MAP4: variants seen among roughly 807,000 people sequenced by gnomAD.
MAP4 encodes microtubule associated protein 4.
Under a neutral mutation model 170.2 loss-of-function variants are expected in MAP4, and 76 were observed. The observed-to-expected ratio is 0.45, with a 90% CI of 0.37 to 0.54. MAP4 has a LOEUF of 0.54. Ranked by LOEUF, MAP4 falls within the 20% of genes least tolerant of loss-of-function variation. The pLI is 0.00. For synonymous variants in MAP4, 909 were observed against 994.5 expected (o/e 0.91, Z 1.62); for missense variants, 2,506 against 2,748.0 (o/e 0.91, Z 1.97).
chr3:47,915,595 A>G (rs1173413908), intron 7 of MAP4, among the ~76,000 whole-genome samples: 1 of 152,170 alleles, frequency 6.6e-6, no homozygotes, highest in Non-Finnish European at 1.5e-5. Context: ...GTTGGTCTTA[A>G]TTAGGAGCAG....
In MAP4 at chr3:47,952,271, C is replaced by A. The variant is rs1318283240; in HGVS notation, c.293-23921G>T. Among the ~76,000 whole-genome samples, 6 of 144,694 alleles carry A rather than the reference C, an allele frequency of 4.1e-5. No individual in the cohort carries two copies. In the East Asian group the frequency reaches 6.3e-4, roughly 15 times the overall value. The allele number at this position is 144,694 out of a possible 152,430, so 94.9% of individuals were successfully genotyped here. A position where few individuals can be genotyped will look rare whatever the true frequency, so the allele number is the denominator to read the frequency against. On this transcript the variant is annotated intron_variant, in intron 3 of 20. Coordinates refer to ENST00000683076, the MANE Select transcript of MAP4 (RefSeq NM_001385682.1). Reference sequence around the variant, plus strand: ...CCGGGAGGGAGGTGGGGGGGTCAGCCCCCCCGCCCGGCCAGCCGCCCCATC... The same window carrying A: ...CCGGGAGGGAGGTGGGGGGGTCAGCACCCCCGCCCGGCCAGCCGCCCCATC...
chr3:47,855,402 A>C lies in MAP4; in HGVS notation c.6584-42T>G. ...ACTGGTCACCTAGGGTGGCAGAGGA[A>C]TATCCCTGCAGGCAAAACCAGGACT... On this transcript the variant is annotated intron_variant, in intron 18 of 20. Coordinates refer to ENST00000683076, the MANE Select transcript of MAP4 (RefSeq NM_001385682.1). The surrounding 1 kb of genome is among the most constrained non-coding windows in gnomAD (Gnocchi z 5.1). 2.4e-6 allele frequency: 3 copies of C among 1,249,448 alleles called. No individual in the cohort carries two copies. The highest frequency in any genetic ancestry group is 3.5e-6 in the Non-Finnish European group (3 of 846,964). 77.4% of individuals were successfully genotyped at this position (1,249,448 alleles called of 1,614,324 possible). A position where few individuals can be genotyped will look rare whatever the true frequency, so the allele number is the denominator to read the frequency against.
intron 1 of MAP4, among the ~76,000 whole-genome samples, chr3:48,069,669 CA>C (rs1198349149): frequency 6.6e-6 from 1 of 152,170 alleles, no homozygotes; most frequent in Non-Finnish European, 1.5e-5. Context: ...ATCTTTCAAA[CA>C]TTTTTTTGTC....
At chr3:48,076,277 A>G (rs970112007) in intron 1 of MAP4, among the ~76,000 whole-genome samples, 1 of 151,496 alleles carries the variant, frequency 6.6e-6, no homozygotes, top group Non-Finnish European at 1.5e-5. Context: ...TGGGCAGATC[A>G]TGAGGTCAGG....
chr3:47,918,636 C>G (rs1352181247), intron 6 of MAP4, 83 bp downstream of exon 6: 2 of 1,086,344 alleles, frequency 1.8e-6, no homozygotes, highest in Non-Finnish European at 2.8e-6. Context: ...CTGCTGTAAG[C>G]TGCTAAAAAA....
At chr3:48,011,436 C>G (rs1375683629) in intron 1 of MAP4, among the ~76,000 whole-genome samples, 1 of 151,976 alleles carries the variant, frequency 6.6e-6, no homozygotes, top group African/African-American at 2.4e-5. Context: ...ACCTGTAATC[C>G]CAGCTACTCA....
At chr3:47,973,539 C>T in intron 3 of MAP4, 1 of 984,836 alleles carries the variant, frequency 1.0e-6, no homozygotes, top group Non-Finnish European at 1.2e-6. Flanking sequence ...AAAATTTCAA[C>T]AATTCTGTAA....
chr3:47,961,972 T>C (rs1376614259), intron 3 of MAP4, among the ~76,000 whole-genome samples: 1 of 152,168 alleles, frequency 6.6e-6, no homozygotes, highest in African/African-American at 2.4e-5. Flanking sequence ...AACCAGCAGA[T>C]GCTGACAAAA....
chr3:47,939,191 C>T (rs1319688445), intron 3 of MAP4, among the ~76,000 whole-genome samples: 1 of 152,198 alleles, frequency 6.6e-6, no homozygotes, highest in Non-Finnish European at 1.5e-5. Flanking sequence ...GACTTTAATG[C>T]TCATTTTCCA....
intron 3 of MAP4, among the ~76,000 whole-genome samples, chr3:47,966,361 C>T (rs2100075036): frequency 6.7e-6 from 1 of 149,476 alleles, no homozygotes; most frequent in African/African-American, 2.5e-5. Context: ...ATTCTCCTGC[C>T]TCAGCCTCCT....
chr3:48,018,749 G>A (rs2100109093), upstream of MAP4, among the ~76,000 whole-genome samples: 1 of 152,082 alleles, frequency 6.6e-6, no homozygotes, highest in African/African-American at 2.4e-5. Context: ...GTTGCAGTGA[G>A]CCAAGATCGT....
intron 4 of MAP4, among the ~76,000 whole-genome samples, chr3:47,922,521 T>TCA (rs950660121): frequency 6.6e-6 from 1 of 151,912 alleles, no homozygotes; most frequent in African/African-American, 2.4e-5. Context: ...TATATAACAT[T>TCA]CATTTTAAGT....
chr3:47,863,937 T>TGTGTG (rs374208589), intron 17 of MAP4, among the ~76,000 whole-genome samples: 15 of 138,338 alleles, frequency 1.1e-4, no homozygotes, highest in South Asian at 2.4e-4. Context: ...TGTGTGTGTG[T>TGTGTG]GGGGAGTGGT....
Position 47,904,983 on chromosome 3 carries a change from A to G in MAP4, c.5384-1983T>C, listed in dbSNP as rs1186131424. 2.0e-5 allele frequency among the ~76,000 whole-genome samples: 3 copies of G among 152,070 alleles called. No individual in the cohort carries two copies. The East Asian group carries it at 5.8e-4, about 29-fold the overall frequency. On this transcript the variant is annotated intron_variant, in intron 9 of 20. Transcript: ENST00000683076. ...CTGTGCCCAGCCAACACCATTTGTA[A>G]TATCTTTACTGTCCAAACAATGGAA...
At chr3:47,935,249 G>C (rs2100052058) in intron 3 of MAP4, among the ~76,000 whole-genome samples, 1 of 152,106 alleles carries the variant, frequency 6.6e-6, no homozygotes, top group Non-Finnish European at 1.5e-5. Context: ...GAACTTAATT[G>C]AATCTAGGAA....
At chr3:48,048,978 C>A (rs1363437412) in intron 1 of MAP4, among the ~76,000 whole-genome samples, 1 of 152,198 alleles carries the variant, frequency 6.6e-6, no homozygotes, top group African/African-American at 2.4e-5. Context: ...TTCATCTTTA[C>A]AGTTTTGTCA....
At chr3:47,991,960 C>T (rs1431221187) in intron 2 of MAP4, among the ~76,000 whole-genome samples, 9 of 151,766 alleles carry the variant, frequency 5.9e-5, no homozygotes, top group Admixed American at 3.9e-4. Flanking sequence ...CGTGAACCAC[C>T]GCGCCCAGTA....
chr3:48,029,180 G>A (rs1044933230), intron 1 of MAP4, among the ~76,000 whole-genome samples: 2 of 151,954 alleles, frequency 1.3e-5, no homozygotes, highest in Admixed American at 1.3e-4. Flanking sequence ...GCTCACACCT[G>A]TAATCCCAGC....
chr3:48,062,068 G>A (rs947512631), intron 1 of MAP4, among the ~76,000 whole-genome samples: 1 of 152,232 alleles, frequency 6.6e-6, no homozygotes, highest in African/African-American at 2.4e-5. Context: ...GGGGGGAAAT[G>A]TGGGGAGAAG....
Sources: gnomAD v4.1 joint callset for allele counts (sites outside exome capture counted in the v4.1 genomes callset) on GRCh38, gnomAD v4.1.1 for gene constraint, Gnocchi (gnomAD v3.1) non-coding constraint, MANE v1.5 for transcripts, NCBI Gene and HGNC (gene_info 2026-07-23, HGNC 2026-07-21) for gene names.